The following SPTLC2 variants were observed in gnomAD, a reference collection of about 807,000 sequenced individuals.
SPTLC2 encodes the protein serine palmitoyltransferase 2.
SPTLC2 carries 21 observed loss-of-function variants against 62.0 expected under a neutral mutation model. That is an observed-to-expected ratio of 0.34 (90% CI 0.24 to 0.49). The LOEUF (loss-of-function observed/expected upper bound fraction) is 0.49. Ranked by LOEUF, SPTLC2 falls within the 20% of genes least tolerant of loss-of-function variation. The pLI is 0.99. For synonymous variants in SPTLC2, 261 were observed against 261.8 expected (o/e 1.00, Z 0.03); for missense variants, 511 against 713.0 (o/e 0.72, Z 3.23).
rs147118615 is a variant in SPTLC2 at position 77,610,424 on chromosome 14, G to T, written c.132+6024C>A. On this transcript the variant is annotated intron_variant, in intron 1 of 11. Coordinates refer to ENST00000216484, the MANE Select transcript of SPTLC2 (RefSeq NM_004863.4). ...CCCAAAGTGCTGGGATTACAGGCGT[G>T]AGCCACGGTACCTGGTCATATACCT... 4.1e-3 allele frequency among the ~76,000 whole-genome samples: 621 copies of T among 152,254 alleles called. 1 individual carries two copies. The highest frequency in any genetic ancestry group is 0.022 in the South Asian group (105 of 4,830).
chr14:77,561,453 T>C (rs1015799727), intron 6 of SPTLC2, among the ~76,000 whole-genome samples: 3 of 151,964 alleles, frequency 2.0e-5, no homozygotes, highest in Non-Finnish European at 4.4e-5. Flanking sequence ...CTACTAAAAA[T>C]ACTAAAAATT....
At chr14:77,559,765 C>T (rs921677625) in intron 6 of SPTLC2, among the ~76,000 whole-genome samples, 1 of 152,050 alleles carries the variant, frequency 6.6e-6, no homozygotes, top group African/African-American at 2.4e-5. Flanking sequence ...GTGGTGGATG[C>T]CTACAGTCCT....
At chr14:77,550,485 G>C (rs541001122) in intron 9 of SPTLC2, among the ~76,000 whole-genome samples, 1 of 152,276 alleles carries the variant, frequency 6.6e-6, no homozygotes, top group East Asian at 1.9e-4. Context: ...TGAGGCAGGA[G>C]AATCGCTTGA....
intron 1 of SPTLC2, among the ~76,000 whole-genome samples, chr14:77,602,822 C>T (rs1032453671): frequency 2.6e-5 from 4 of 152,172 alleles, no homozygotes; most frequent in African/African-American, 9.7e-5. Flanking sequence ...TATCCTCCTG[C>T]CTTGGTCTCT....
rs1273884598 is a variant in SPTLC2 at position 77,597,350 on chromosome 14, A to G, written c.163T>C (p.Tyr55His). 1 of 1,614,080 alleles carries G rather than the reference A, an allele frequency of 6.2e-7. No individual in the cohort carries two copies. Among genetic ancestry groups the G allele is most frequent in the African/African-American group, 1.3e-5 (1 of 74,954 alleles). Residue 55 changes from tyrosine (Y) to histidine (H), a missense_variant, in exon 2 of 12, where the codon TAT (tyrosine) becomes CAT (histidine). Coordinates refer to ENST00000216484, the MANE Select transcript of SPTLC2 (RefSeq NM_004863.4). The stretch of plus-strand genomic sequence containing the variant: ...AAAGCTTCATTAAACGGTCTTTTAT[A>G]TAGTCCTCCATTTTGTGTAACATGA... ...IHHVTQNGGL[Y>H]KRPFNEAFEE... is the part of the protein sequence containing the mutation.
intron 9 of SPTLC2, among the ~76,000 whole-genome samples, chr14:77,528,242 T>A (rs1307727876): frequency 6.6e-6 from 1 of 152,060 alleles, no homozygotes; most frequent in African/African-American, 2.4e-5. Context: ...CCTCTTCTTT[T>A]TTTTTTGAGA....
intron 5 of SPTLC2, among the ~76,000 whole-genome samples, chr14:77,566,610 C>T (rs1179367487): frequency 2.0e-5 from 3 of 152,046 alleles, no homozygotes; most frequent in Non-Finnish European, 4.4e-5. Context: ...GGACCACAGG[C>T]GCCTGCCACT....
At chr14:77,608,277 GTTTC>G (rs776876296) in intron 1 of SPTLC2, among the ~76,000 whole-genome samples, 238 of 152,192 alleles carry the variant, frequency 1.6e-3, no homozygotes, top group Non-Finnish European at 2.5e-3. Flanking sequence ...TAGGCTACGG[GTTTC>G]TTTAACAGCT....
At chr14:77,611,819 C>T (rs2140067953) in intron 1 of SPTLC2, among the ~76,000 whole-genome samples, 1 of 144,036 alleles carries the variant, frequency 6.9e-6, no homozygotes, top group Non-Finnish European at 1.5e-5. Flanking sequence ...GAGTGAGACT[C>T]CGTCTCAAAA....
intron 2 of SPTLC2, among the ~76,000 whole-genome samples, chr14:77,580,430 C>T (rs2079742233): frequency 6.7e-6 from 1 of 150,302 alleles, no homozygotes; most frequent in African/African-American, 2.4e-5. Flanking sequence ...TTGCAGTGGG[C>T]CGTGGTCACT....
In SPTLC2 at chr14:77,512,081, G is replaced by A. The variant is rs2079335012; in HGVS notation, c.*203C>T. ...AAGTGAGTCACCTTCGTTTTTAAAG[G>A]TGAGATTTAGCAAAGGAAGGATTAG... On this transcript the variant is annotated 3_prime_UTR_variant, in exon 12 of 12. Transcript: ENST00000216484. 1.5e-6 allele frequency: 1 copy of A among 658,440 alleles called. No individual in the cohort carries two copies. Among genetic ancestry groups the A allele is most frequent in the South Asian group, 2.0e-5 (1 of 51,276 alleles). 40.8% of individuals were successfully genotyped at this position (658,440 alleles called of 1,614,324 possible).
intron 7 of SPTLC2, among the ~76,000 whole-genome samples, chr14:77,556,603 A>G (rs921822996): frequency 6.6e-6 from 1 of 152,120 alleles, no homozygotes; most frequent in Admixed American, 6.6e-5. Context: ...ATGTTGCCCA[A>G]GCTGGTCTCA....
At chr14:77,531,982 G>C (rs907888852) in intron 9 of SPTLC2, among the ~76,000 whole-genome samples, 1 of 152,040 alleles carries the variant, frequency 6.6e-6, no homozygotes, top group African/African-American at 2.4e-5. Flanking sequence ...ATGGAATTGA[G>C]GTTAAATTTC....
At chr14:77,571,218 C>T (rs966429911) in intron 4 of SPTLC2, among the ~76,000 whole-genome samples, 1 of 152,118 alleles carries the variant, frequency 6.6e-6, no homozygotes, top group Admixed American at 6.6e-5. Context: ...TAGGTAAAAA[C>T]GTTTCTTCCT....
rs374399443 is a variant in SPTLC2 at position 77,610,084 on chromosome 14, T to G, written c.132+6364A>C. 1.2e-4 allele frequency among the ~76,000 whole-genome samples: 18 copies of G among 152,186 alleles called. No homozygotes were observed. In the East Asian group the frequency reaches 2.1e-3, roughly 18 times the overall value. On this transcript the variant is annotated intron_variant, in intron 1 of 11. Coordinates refer to ENST00000216484, the MANE Select transcript of SPTLC2 (RefSeq NM_004863.4). Reference sequence around the variant, plus strand: ...TCTCTATATCCTCATGAACACTTAATACCTGGTTTATTATTTTAGCAATCC... The same window carrying G: ...TCTCTATATCCTCATGAACACTTAAGACCTGGTTTATTATTTTAGCAATCC...
chr14:77,551,682 G>C (rs1238813885), intron 9 of SPTLC2, among the ~76,000 whole-genome samples: 1 of 152,152 alleles, frequency 6.6e-6, no homozygotes. Flanking sequence ...TACCGTATAT[G>C]AAAGTAGAAA....
intron 9 of SPTLC2, among the ~76,000 whole-genome samples, chr14:77,534,043 A>G (rs958234078): frequency 6.6e-6 from 1 of 152,030 alleles, no homozygotes; most frequent in Non-Finnish European, 1.5e-5. Context: ...CTGTGGTCCC[A>G]ACTACTTGGG....
chr14:77,614,403 A>T (rs2267751), intron 1 of SPTLC2, among the ~76,000 whole-genome samples: 1 of 138,512 alleles, frequency 7.2e-6, no homozygotes, highest in African/African-American at 2.5e-5. Flanking sequence ...AGTGGCTCAC[A>T]CCCGTAATCC....
chr14:77,592,966 G>A (rs2079826431), intron 2 of SPTLC2, among the ~76,000 whole-genome samples: 1 of 152,074 alleles, frequency 6.6e-6, no homozygotes, highest in African/African-American at 2.4e-5. Context: ...AGCTGGGCGT[G>A]GTGGTGCATG....
Sources: gnomAD v4.1 joint callset for allele counts (sites outside exome capture counted in the v4.1 genomes callset) on GRCh38, gnomAD v4.1.1 for gene constraint, MANE v1.5 for transcripts, NCBI Gene and HGNC (gene_info 2026-07-23, HGNC 2026-07-21) for gene names.